GUCY1A2: variants seen among roughly 807,000 people sequenced by gnomAD.
The protein encoded by GUCY1A2 is guanylate cyclase 1 soluble subunit alpha 2.
Under a neutral mutation model 63.5 loss-of-function variants are expected in GUCY1A2, and 27 were observed. The ratio of observed to expected loss-of-function variants is 0.43; its 90% CI spans 0.31 to 0.59. The LOEUF is 0.59. Ranked by LOEUF, GUCY1A2 falls within the 20% of genes least tolerant of loss-of-function variation. The pLI is 0.11. For missense variants in GUCY1A2, 768 were observed against 913.3 expected, an observed-to-expected ratio of 0.84 and a Z score of 2.05; for synonymous variants, 364 against 343.5, an observed-to-expected ratio of 1.06 and a Z score of -0.66.
intron 5 of GUCY1A2, among the ~76,000 whole-genome samples, chr11:106,809,549 T>C (rs1166716770): frequency 2.6e-5 from 4 of 152,154 alleles, no homozygotes; most frequent in Non-Finnish European, 2.9e-5. Flanking sequence ...TCTCACTTAA[T>C]AATGCAGTGC....
Position 106,685,460 on chromosome 11 carries a change from A to G in GUCY1A2, c.*2089T>C. The G allele has an allele frequency of 9.0e-6, 2 of 222,134 alleles. No individual in the cohort carries two copies. The highest frequency in any genetic ancestry group is 1.8e-5 in the Non-Finnish European group (2 of 111,146). The allele number at this position is 222,134 out of a possible 1,614,324, so 13.8% of individuals were successfully genotyped here. A position where few individuals can be genotyped will look rare whatever the true frequency, so the allele number is the denominator to read the frequency against. On this transcript the variant is annotated 3_prime_UTR_variant, in exon 8 of 8. Transcript: ENST00000526355. ...ATAAAAAGTGAGAGAAATAGATTGG[A>G]TATTCCTGGAAGTCCCTTTCAGCCT...
At chr11:106,837,767 C>G (rs1859137045) in intron 4 of GUCY1A2, among the ~76,000 whole-genome samples, 1 of 151,946 alleles carries the variant, frequency 6.6e-6, no homozygotes, top group South Asian at 2.1e-4. Flanking sequence ...AAAATTAGTA[C>G]ATAAAAATTT....
At chr11:106,815,107 A>G (rs868273559) in intron 4 of GUCY1A2, among the ~76,000 whole-genome samples, 3 of 152,100 alleles carry the variant, frequency 2.0e-5, no homozygotes, top group Non-Finnish European at 2.9e-5. Context: ...AAAATAACCA[A>G]TGTAAATTAT....
chr11:106,806,524 TG>T (rs1858689128), intron 5 of GUCY1A2, among the ~76,000 whole-genome samples: 2 of 152,210 alleles, frequency 1.3e-5, no homozygotes, highest in South Asian at 4.1e-4. Flanking sequence ...CCATTATTAT[TG>T]TTACTATTTA....
intron 4 of GUCY1A2, among the ~76,000 whole-genome samples, chr11:106,821,582 C>T (rs1395495483): frequency 6.6e-6 from 1 of 152,116 alleles, no homozygotes; most frequent in East Asian, 1.9e-4. Context: ...ATATATAGCA[C>T]CACCATTCAA....
intron 2 of GUCY1A2, among the ~76,000 whole-genome samples, chr11:106,982,181 T>C (rs572553609): frequency 1.3e-4 from 20 of 152,318 alleles, no homozygotes; most frequent in South Asian, 6.2e-4. Context: ...GTAAGTTTCA[T>C]ATGTCTACTT....
intron 3 of GUCY1A2, among the ~76,000 whole-genome samples, chr11:106,958,084 G>A (rs1409783104): frequency 1.3e-5 from 2 of 152,014 alleles, no homozygotes; most frequent in African/African-American, 4.8e-5. Context: ...TATTACAGTA[G>A]CATCACAGCA....
chr11:107,002,116 T>C (rs891715107), intron 1 of GUCY1A2, among the ~76,000 whole-genome samples: 1 of 151,994 alleles, frequency 6.6e-6, no homozygotes, highest in Non-Finnish European at 1.5e-5. Flanking sequence ...CCTTGCTTGA[T>C]GAAATTGATT....
intron 4 of GUCY1A2, among the ~76,000 whole-genome samples, chr11:106,816,904 A>T (rs1272667148): frequency 1.3e-5 from 2 of 152,062 alleles, no homozygotes; most frequent in Non-Finnish European, 2.9e-5. Flanking sequence ...CCAAGATGAA[A>T]CTGATAATCT....
At position 106,939,449 on chromosome 11, in the gene GUCY1A2, A is replaced by G. The variant is rs1860721731; in HGVS notation, c.1206+11T>C. Reference sequence around the variant, plus strand: ...TAGTTCCCATCACCATCTCAAGTCCATAGCACTTACCTTGTCTTTATTTTC... The same window carrying G: ...TAGTTCCCATCACCATCTCAAGTCCGTAGCACTTACCTTGTCTTTATTTTC... On this transcript the variant is annotated intron_variant, in intron 4 of 7. Coordinates refer to ENST00000526355, the MANE Select transcript of GUCY1A2 (RefSeq NM_000855.3). 1 of 1,399,292 alleles carries G rather than the reference A, an allele frequency of 7.1e-7. No homozygotes were observed. 86.7% of individuals were successfully genotyped at this position (1,399,292 alleles called of 1,614,324 possible).
intron 4 of GUCY1A2, among the ~76,000 whole-genome samples, chr11:106,886,229 T>C (rs1362087492): frequency 1.3e-5 from 2 of 152,196 alleles, no homozygotes; most frequent in Non-Finnish European, 2.9e-5. Flanking sequence ...TGAATGTGTC[T>C]TTATAGTAAA....
intron 1 of GUCY1A2, among the ~76,000 whole-genome samples, chr11:106,993,615 T>G (rs758644070): frequency 6.6e-6 from 1 of 152,072 alleles, no homozygotes; most frequent in Non-Finnish European, 1.5e-5. Flanking sequence ...GCTACTGACC[T>G]TTTTTTAAAA....
intron 2 of GUCY1A2, among the ~76,000 whole-genome samples, chr11:106,983,689 C>A (rs796856965): frequency 6.6e-6 from 1 of 152,196 alleles, no homozygotes; most frequent in African/African-American, 2.4e-5. Flanking sequence ...TGCTTCAACA[C>A]CTCAACACAA....
chr11:106,869,681 T>C (rs7116508), intron 4 of GUCY1A2, among the ~76,000 whole-genome samples: 24,865 of 152,128 alleles, frequency 0.16, 2,455 homozygotes, highest in East Asian at 0.28. Context: ...GTTCAACCAT[T>C]GTGGAAGACA....
chr11:106,931,154 A>C (rs1021047557), intron 4 of GUCY1A2, among the ~76,000 whole-genome samples: 18 of 152,220 alleles, frequency 1.2e-4, no homozygotes, highest in Non-Finnish European at 2.4e-4. Context: ...TATATTTTTA[A>C]TACAATTTAT....
intron 1 of GUCY1A2, among the ~76,000 whole-genome samples, chr11:106,991,506 G>T (rs879041939): frequency 6.6e-6 from 1 of 152,172 alleles, no homozygotes; most frequent in Admixed American, 6.5e-5. Context: ...GGACCCAGTT[G>T]CTTCCAATGT....
At chr11:106,808,641 C>G (rs1293426811) in intron 5 of GUCY1A2, among the ~76,000 whole-genome samples, 1 of 133,236 alleles carries the variant, frequency 7.5e-6, no homozygotes. Flanking sequence ...CAAAACAAAA[C>G]AAAACAAAAA....
chr11:106,833,352 C>A (rs1859075927), intron 4 of GUCY1A2, among the ~76,000 whole-genome samples: 1 of 152,042 alleles, frequency 6.6e-6, no homozygotes, highest in Non-Finnish European at 1.5e-5. Flanking sequence ...CACTCACTCT[C>A]CTAAATAATC....
chr11:106,948,703 G>A (rs1860863569), intron 3 of GUCY1A2, among the ~76,000 whole-genome samples: 1 of 152,040 alleles, frequency 6.6e-6, no homozygotes. Flanking sequence ...TAAACACATT[G>A]CAAAAAAGCA....
Sources: gnomAD v4.1 joint callset for allele counts (sites outside exome capture counted in the v4.1 genomes callset) on GRCh38, gnomAD v4.1.1 for gene constraint, MANE v1.5 for transcripts, NCBI Gene and HGNC (gene_info 2026-07-23, HGNC 2026-07-21) for gene names.